ERBB4: variants seen among roughly 807,000 people sequenced by gnomAD.
The protein encoded by ERBB4 is receptor tyrosine-protein kinase erbB-4.
A neutral mutation model predicts 158.0 loss-of-function variants in ERBB4; 42 were observed. That is an observed-to-expected ratio of 0.27 (90% CI 0.21 to 0.34). The LOEUF is 0.34. ERBB4 is among the 10% of genes least tolerant of loss of function. ERBB4 has a pLI of 1.00. For synonymous variants in ERBB4, 583 were observed against 558.7 expected, an observed-to-expected ratio of 1.04 and a Z score of -0.61; for missense variants, 1,333 against 1,624.1, an observed-to-expected ratio of 0.82 and a Z score of 3.08.
rs546927158 is a variant in ERBB4, at chr2:211,665,072, C to T, written c.1871+251G>A. ...ATTTCTAAACTGCATCCAAAGTATA[C>T]CTGACACTAGCTAGCTTCATGAAGG... is the stretch of plus-strand genomic sequence containing the variant. On this transcript the variant is annotated intron_variant, in intron 15 of 27. Coordinates refer to ENST00000342788, the MANE Select transcript of ERBB4 (RefSeq NM_005235.3). Among the ~76,000 whole-genome samples, 9 of 152,258 alleles carry T rather than the reference C, an allele frequency of 5.9e-5. No homozygotes were observed. The East Asian group carries it at 1.4e-3, about 23-fold the overall frequency.
At chr2:212,008,248 C>A (rs1022791972) in intron 2 of ERBB4, among the ~76,000 whole-genome samples, 2 of 152,018 alleles carry the variant, frequency 1.3e-5, no homozygotes, top group African/African-American at 4.8e-5. Flanking sequence ...TATGATACAT[C>A]TCGAGTTTAA....
At chr2:212,537,287 C>T (rs182707108) in intron 1 of ERBB4, among the ~76,000 whole-genome samples, 16 of 152,114 alleles carry the variant, frequency 1.1e-4, no homozygotes, top group African/African-American at 3.9e-4. Flanking sequence ...CAGTCACCAT[C>T]CCTGGATGGT....
At chr2:211,440,216 G>A (rs1162095056) in intron 20 of ERBB4, among the ~76,000 whole-genome samples, 2 of 152,216 alleles carry the variant, frequency 1.3e-5, no homozygotes, top group East Asian at 3.9e-4. Context: ...GTTACAATAG[G>A]AGAAGCGAAT....
intron 17 of ERBB4, among the ~76,000 whole-genome samples, chr2:211,629,853 T>G (rs1356646326): frequency 1.4e-4 from 21 of 152,202 alleles, no homozygotes; most frequent in African/African-American, 2.9e-4. Flanking sequence ...TATGTAGAAA[T>G]CTGAAACTGG....
At chr2:211,933,090 C>T (rs922617190) in intron 3 of ERBB4, among the ~76,000 whole-genome samples, 1 of 151,926 alleles carries the variant, frequency 6.6e-6, no homozygotes. Context: ...GTTAGGTTCT[C>T]GTAATTTTTA....
At chr2:212,141,892 G>A (rs759001917) in intron 1 of ERBB4, among the ~76,000 whole-genome samples, 91 of 152,098 alleles carry the variant, frequency 6.0e-4, no homozygotes, top group Middle Eastern at 6.8e-3. Flanking sequence ...CTATAAATCA[G>A]ATCACTAATC....
intron 1 of ERBB4, among the ~76,000 whole-genome samples, chr2:212,273,676 T>C (rs1337380848): frequency 6.6e-6 from 1 of 151,856 alleles, no homozygotes; most frequent in Non-Finnish European, 1.5e-5. Flanking sequence ...TGGATCTGTG[T>C]CAGAGGTAAA....
rs2090054985 is a variant in ERBB4 at position 212,370,736 on chromosome 2, T to C, written c.82+167713A>G. 2.0e-5 allele frequency among the ~76,000 whole-genome samples: 3 copies of C among 152,304 alleles called. No individual in the cohort carries two copies. In the South Asian group the frequency reaches 6.2e-4, roughly 32 times the overall value. ...AATCTTAAAAGCCATTTACCTTCTGTTTTTATATAACCCTTAAACACTGAT... is the reference window on the plus strand; with the variant it reads ...AATCTTAAAAGCCATTTACCTTCTGCTTTTATATAACCCTTAAACACTGAT... On this transcript the variant is annotated intron_variant, in intron 1 of 27. Coordinates refer to ENST00000342788, the MANE Select transcript of ERBB4 (RefSeq NM_005235.3).
At chr2:211,715,114 T>C (rs1221724900) in intron 7 of ERBB4, among the ~76,000 whole-genome samples, 1 of 152,176 alleles carries the variant, frequency 6.6e-6, no homozygotes, top group African/African-American at 2.4e-5. Flanking sequence ...GGTAGCGAAA[T>C]TGATTACTCA....
chr2:212,250,645 T>G (rs1390882473), intron 1 of ERBB4, among the ~76,000 whole-genome samples: 1 of 151,976 alleles, frequency 6.6e-6, no homozygotes, highest in African/African-American at 2.4e-5. Flanking sequence ...TCAATCTAAA[T>G]TCATGCATTC....
intron 19 of ERBB4, among the ~76,000 whole-genome samples, chr2:211,616,537 G>A (rs1195945333): frequency 6.6e-6 from 1 of 150,982 alleles, no homozygotes; most frequent in South Asian, 2.1e-4. Flanking sequence ...TCTTTTTTGT[G>A]GTTTGTTATT....
At chr2:211,745,578 A>G (rs2074940215) in intron 5 of ERBB4, among the ~76,000 whole-genome samples, 1 of 152,142 alleles carries the variant, frequency 6.6e-6, no homozygotes, top group South Asian at 2.1e-4. Context: ...TTAAATTGGA[A>G]TAAGTTTTCT....
At chr2:211,677,197 G>A (rs966912374) in intron 13 of ERBB4, among the ~76,000 whole-genome samples, 3 of 151,896 alleles carry the variant, frequency 2.0e-5, no homozygotes, top group Admixed American at 1.3e-4. Context: ...GTTATTTATT[G>A]GATCCAGTGG....
At chr2:211,655,699 T>A (rs1331501449) in intron 16 of ERBB4, among the ~76,000 whole-genome samples, 1 of 152,144 alleles carries the variant, frequency 6.6e-6, no homozygotes, top group Non-Finnish European at 1.5e-5. Context: ...AGAAGGAAAA[T>A]TTCTTTCATA....
chr2:212,114,631 T>C (rs1049251815), intron 2 of ERBB4, among the ~76,000 whole-genome samples: 5 of 152,248 alleles, frequency 3.3e-5, no homozygotes, highest in Non-Finnish European at 7.3e-5. Context: ...CAATGCTTCA[T>C]TGATGCCTCA....
intron 2 of ERBB4, among the ~76,000 whole-genome samples, chr2:212,121,866 C>T (rs1391194196): frequency 6.6e-6 from 1 of 152,112 alleles, no homozygotes; most frequent in African/African-American, 2.4e-5. Context: ...ACAACCCACT[C>T]ACCTCTTGAG....
At chr2:211,501,548 A>G (rs2065617239) in intron 20 of ERBB4, among the ~76,000 whole-genome samples, 1 of 151,434 alleles carries the variant, frequency 6.6e-6, no homozygotes, top group Non-Finnish European at 1.5e-5. Context: ...TGTTTTTTTT[A>G]GAAAACAATA....
chr2:212,432,490 T>C (rs1402878411), intron 1 of ERBB4, among the ~76,000 whole-genome samples: 2 of 152,244 alleles, frequency 1.3e-5, no homozygotes, highest in African/African-American at 2.4e-5. Flanking sequence ...GCTCTCTCTA[T>C]ATATAATGTG....
rs755321591 is a variant in ERBB4 at position 211,725,088 on chromosome 2, G to A, written c.729C>T (p.Asp243=). 17 of 1,609,646 alleles carry A rather than the reference G, an allele frequency of 1.1e-5. No homozygotes were observed. The highest frequency in any genetic ancestry group is 1.4e-5 in the Non-Finnish European group (16 of 1,176,030). ...ATCACAGACATACAAAGCAGTCTGTGTCCTTAGGTCCTGAGCAGCCTCCAG... is the reference window on the plus strand; with the variant it reads ...ATCACAGACATACAAAGCAGTCTGTATCCTTAGGTCCTGAGCAGCCTCCAG... ...ECAGGCSGPK[D]TDCFACMNFN... is the part of the protein sequence containing the mutation. Residue 243 remains aspartate (D), a synonymous_variant, in exon 6 of 28, where the codon GAC becomes GAT. Coordinates refer to ENST00000342788, the MANE Select transcript of ERBB4 (RefSeq NM_005235.3).
Sources: gnomAD v4.1 joint callset for allele counts (sites outside exome capture counted in the v4.1 genomes callset) on GRCh38, gnomAD v4.1.1 for gene constraint, MANE v1.5 for transcripts, NCBI Gene and HGNC (gene_info 2026-07-23, HGNC 2026-07-21) for gene names.